RBMS3: variants seen among roughly 807,000 people sequenced by gnomAD.
The protein encoded by RBMS3 is RNA binding motif single stranded interacting protein 3, also known as RNA-binding motif, single-stranded-interacting protein 3.
RBMS3 carries 27 observed loss-of-function variants against 66.8 expected under a neutral mutation model. That is an observed-to-expected ratio of 0.40 (90% confidence interval 0.30 to 0.56). The LOEUF is 0.56. Among genes scored for constraint, RBMS3 ranks in the 20% least tolerant of loss-of-function variants. The probability of loss-of-function intolerance (pLI) is 0.40; values close to 1 mark genes in which losing one functional copy is unlikely to be tolerated. For synonymous variants in RBMS3, 188 were observed against 183.0 expected, an observed-to-expected ratio of 1.03 and a Z score of -0.22; for missense variants, 513 against 549.5, an observed-to-expected ratio of 0.93 and a Z score of 0.66.
At chr3:29,783,722 C>T (rs757621248) in intron 6 of RBMS3, among the ~76,000 whole-genome samples, 2 of 151,988 alleles carry the variant, frequency 1.3e-5, no homozygotes, top group Non-Finnish European at 2.9e-5. Context: ...TGTAAGTGGC[C>T]TAAATGGTCC....
At chr3:29,766,443 T>G (rs533919958) in intron 6 of RBMS3, 1 of 152,010 alleles carries the variant, frequency 6.6e-6, no homozygotes, top group Non-Finnish European at 1.5e-5. Flanking sequence ...ACATTTATGT[T>G]GCTGCCCCAT....
At chr3:29,480,090 A>T (rs546321040) in intron 2 of RBMS3, among the ~76,000 whole-genome samples, 1 of 152,358 alleles carries the variant, frequency 6.6e-6, no homozygotes, top group African/African-American at 2.4e-5. Context: ...AATAACTCTA[A>T]CTGGAGATTC....
At chr3:29,442,090 T>C (rs560918706) in intron 2 of RBMS3, among the ~76,000 whole-genome samples, 1 of 152,344 alleles carries the variant, frequency 6.6e-6, no homozygotes, top group South Asian at 2.1e-4. Context: ...CTTTATATAA[T>C]TTCCAAAAGT....
chr3:29,466,277 C>T (rs1575899915), intron 2 of RBMS3, among the ~76,000 whole-genome samples: 1 of 152,140 alleles, frequency 6.6e-6, no homozygotes, highest in East Asian at 1.9e-4. Flanking sequence ...TGACAAAGCA[C>T]ATACCTGGAA....
chr3:29,804,593 C>A (rs2149447886), intron 6 of RBMS3, among the ~76,000 whole-genome samples: 1 of 152,074 alleles, frequency 6.6e-6, no homozygotes, highest in Middle Eastern at 3.4e-3. Context: ...TTTTATGACA[C>A]AAAGCCTATA....
At chr3:29,530,765 G>A (rs1402142585) in intron 3 of RBMS3, among the ~76,000 whole-genome samples, 5 of 151,552 alleles carry the variant, frequency 3.3e-5, no homozygotes, top group Non-Finnish European at 5.9e-5. Context: ...CCAGCTACTC[G>A]GAAGGCTGAG....
At chr3:29,917,122 A>T (rs1021089839) in intron 10 of RBMS3, among the ~76,000 whole-genome samples, 2 of 152,028 alleles carry the variant, frequency 1.3e-5, no homozygotes, top group Non-Finnish European at 2.9e-5. Context: ...TTCTATATTC[A>T]GTTAGAATAC....
At chr3:29,829,029 T>TCTTTC (rs1553681267) in intron 6 of RBMS3, among the ~76,000 whole-genome samples, 1 of 50,332 alleles carries the variant, frequency 2.0e-5, no homozygotes, top group African/African-American at 7.6e-5. Context: ...TTTCTTTCTT[T>TCTTTC]CTTTCTTTCT....
chr3:29,810,385 G>T (rs1559695453), intron 6 of RBMS3, among the ~76,000 whole-genome samples: 1 of 152,084 alleles, frequency 6.6e-6, no homozygotes, highest in Non-Finnish European at 1.5e-5. Flanking sequence ...CTAATTAATG[G>T]ATGGTTGAAA....
At chr3:29,374,719 A>G (rs1169844863) in intron 1 of RBMS3, among the ~76,000 whole-genome samples, 1 of 152,252 alleles carries the variant, frequency 6.6e-6, no homozygotes, top group Non-Finnish European at 1.5e-5. Flanking sequence ...AAATGGATTC[A>G]TTGGGATGTA....
At chr3:29,657,641 C>G (rs1459848132) in intron 4 of RBMS3, among the ~76,000 whole-genome samples, 1 of 152,066 alleles carries the variant, frequency 6.6e-6, no homozygotes, top group East Asian at 1.9e-4. Flanking sequence ...GGGCAGGGTT[C>G]TCTTTGGAAT....
At chr3:29,852,590 G>A (rs911895051) in intron 6 of RBMS3, among the ~76,000 whole-genome samples, 9 of 152,118 alleles carry the variant, frequency 5.9e-5, no homozygotes, top group Non-Finnish European at 1.0e-4. Context: ...TTAGAGAAAT[G>A]CAAATTAAAA....
chr3:29,570,624 G>A (rs1001315916), intron 3 of RBMS3, among the ~76,000 whole-genome samples: 1 of 152,042 alleles, frequency 6.6e-6, no homozygotes, highest in Non-Finnish European at 1.5e-5. Flanking sequence ...ATGACCTCCA[G>A]TTTCATCCAT....
chr3:29,678,266 G>T (rs1051309004), intron 4 of RBMS3, among the ~76,000 whole-genome samples: 1 of 152,052 alleles, frequency 6.6e-6, no homozygotes, highest in African/African-American at 2.4e-5. Flanking sequence ...CAAAATATAT[G>T]TTAAATAGGA....
chr3:29,878,011 G>A (rs2059649848), intron 7 of RBMS3, among the ~76,000 whole-genome samples: 1 of 152,094 alleles, frequency 6.6e-6, no homozygotes, highest in African/African-American at 2.4e-5. Context: ...GTTTTCCGTT[G>A]ACAGGGGTGT....
At chr3:29,522,963 C>A (rs1011689119) in intron 3 of RBMS3, among the ~76,000 whole-genome samples, 2 of 152,182 alleles carry the variant, frequency 1.3e-5, no homozygotes, top group Admixed American at 1.3e-4. Flanking sequence ...AACAGTAGTG[C>A]TGAGCACACA....
At chr3:29,509,043 G>A (rs1314378906) in intron 3 of RBMS3, among the ~76,000 whole-genome samples, 1 of 150,344 alleles carries the variant, frequency 6.7e-6, no homozygotes, top group Non-Finnish European at 1.5e-5. Flanking sequence ...TTTTGATGGG[G>A]TTGGTTTTTT....
At chr3:29,761,032 TC>T (rs772722057) in intron 5 of RBMS3, among the ~76,000 whole-genome samples, 3,222 of 152,244 alleles carry the variant, frequency 0.021, 61 homozygotes, top group Non-Finnish European at 0.033. Flanking sequence ...CACTCTCTTG[TC>T]ATAGCAGGAT....
At chr3:29,650,174 T>C (rs2050089917) in intron 4 of RBMS3, among the ~76,000 whole-genome samples, 1 of 152,180 alleles carries the variant, frequency 6.6e-6, no homozygotes, top group African/African-American at 2.4e-5. Flanking sequence ...AGCAATATTT[T>C]ACAAACAGAA....
Sources: allele counts gnomAD v4.1 joint callset (sites outside exome capture counted in the v4.1 genomes callset), GRCh38; gene constraint gnomAD v4.1.1; transcripts MANE v1.5; gene names NCBI Gene and HGNC (gene_info 2026-07-23, HGNC 2026-07-21).